Variants in NDE1 observed in about 807,000 individuals in gnomAD.
NDE1 encodes the protein nudE neurodevelopment protein 1.
A neutral mutation model predicts 43.4 loss-of-function variants in NDE1; 28 were observed. The observed-to-expected ratio is 0.65, with a 90% confidence interval of 0.48 to 0.89. NDE1 has a LOEUF of 0.89. Ranked by LOEUF, NDE1 falls within the 40% of genes least tolerant of loss-of-function variation. NDE1 has a pLI of 0.00. For synonymous variants in NDE1, 184 were observed against 172.0 expected, an observed-to-expected ratio of 1.07 and a Z score of -0.55; for missense variants, 441 against 434.1, an observed-to-expected ratio of 1.02 and a Z score of -0.14.
chr16:15,719,739 G>A, intron 8 of NDE1: 2 of 1,613,872 alleles, frequency 1.2e-6, no homozygotes, highest in Non-Finnish European at 1.7e-6. Context: ...GGGAGGACAA[G>A]CTCAGATGTC....
upstream of NDE1, among the ~76,000 whole-genome samples, chr16:15,645,442 C>T (rs1172683442): frequency 6.6e-6 from 1 of 151,992 alleles, no homozygotes; most frequent in Non-Finnish European, 1.5e-5. Context: ...CCAGCCTGAG[C>T]AACATGGTGT....
intron 7 of NDE1, chr16:15,695,513 A>T: frequency 1.0e-6 from 1 of 984,610 alleles, no homozygotes; most frequent in South Asian, 4.7e-5. Flanking sequence ...AAAAAAAAAA[A>T]AATCTTGAAA....
chr16:15,679,808 T>C (rs2038082249), intron 4 of NDE1, among the ~76,000 whole-genome samples: 1 of 152,202 alleles, frequency 6.6e-6, no homozygotes, highest in Non-Finnish European at 1.5e-5. Flanking sequence ...TAAGACAGTC[T>C]TGCTCTGTCG....
intron 8 of NDE1, chr16:15,703,653 A>G: frequency 6.9e-6 from 3 of 433,686 alleles, no homozygotes; most frequent in South Asian, 2.2e-5. Flanking sequence ...CAATGATGCA[A>G]TTATAGCTCA....
chr16:15,657,154 A>G (rs1394760000), intron 1 of NDE1, among the ~76,000 whole-genome samples: 1 of 151,634 alleles, frequency 6.6e-6, no homozygotes, highest in African/African-American at 2.4e-5. Flanking sequence ...TTGGAGTGCA[A>G]TGGCGTGATC....
intron 7 of NDE1, chr16:15,695,860 C>G (rs1229792480): frequency 3.7e-6 from 1 of 267,604 alleles, no homozygotes; most frequent in African/African-American, 2.3e-5. Context: ...TCCTCAGGGT[C>G]TGTTGTAGCC....
Position 15,699,202 on chromosome 16 carries a change from G to A in NDE1, c.947+2342G>A, listed in dbSNP as rs999549304. ...GAGTTTTCAGATTAATTTTCCAGGC[G>A]ATCTTCCCACCTTGACCTCCCAAGT... is the stretch of plus-strand genomic sequence containing the variant. On this transcript the variant is annotated intron_variant, in intron 8 of 8. Coordinates refer to ENST00000396354, the MANE Select transcript of NDE1 (RefSeq NM_017668.3). Among the ~76,000 whole-genome samples the A allele has an allele frequency of 7.3e-5, 11 of 151,210 alleles. No homozygotes were observed. The East Asian group carries it at 1.8e-3, about 24-fold the overall frequency.
intron 1 of NDE1, among the ~76,000 whole-genome samples, chr16:15,660,634 G>C (rs964252559): frequency 6.6e-6 from 1 of 152,018 alleles, no homozygotes; most frequent in African/African-American, 2.4e-5. Flanking sequence ...TCACCTCCCA[G>C]TTACTCCTGC....
At chr16:15,723,236 A>G (rs2040576440) in intron 8 of NDE1, among the ~76,000 whole-genome samples, 1 of 152,238 alleles carries the variant, frequency 6.6e-6, no homozygotes, top group South Asian at 2.1e-4. Flanking sequence ...GTGTTTAAAA[A>G]TAAACTCTAA....
At chr16:15,713,295 TGAG>T (rs138427633) in intron 8 of NDE1, 8,062 of 152,112 alleles carry the variant, frequency 0.053, 239 homozygotes, top group East Asian at 0.098. Context: ...GGTAGGATGA[TGAG>T]GCAGTGGGAG....
chr16:15,696,619 C>G, intron 7 of NDE1, 90 bp from the exon 8 acceptor site: 3 of 1,606,582 alleles, frequency 1.9e-6, no homozygotes, highest in East Asian at 2.2e-5. Flanking sequence ...TTGAGAACCA[C>G]TGTCTGGGGT....
rs768566847 is a variant in NDE1, at chr16:15,704,113, C to T, written c.947+7253C>T. 14 of 1,614,042 alleles carry T rather than the reference C, an allele frequency of 8.7e-6. No individual in the cohort carries two copies. Among genetic ancestry groups the T allele is most frequent in the Middle Eastern group, 1.7e-4 (1 of 6,058 alleles). On this transcript the variant is annotated intron_variant, in intron 8 of 8. Transcript: ENST00000396354. Reference sequence around the variant, plus strand: ...CTTCTAGAAGGAACGAAAGAGGTCTCGTTTCCTCGCCTGTGGGTTGTAAGA... The same window carrying T: ...CTTCTAGAAGGAACGAAAGAGGTCTTGTTTCCTCGCCTGTGGGTTGTAAGA...
rs140007548 is a variant in NDE1 at position 15,676,603 on chromosome 16, C to T, written c.238-1198C>T. Reference sequence around the variant, plus strand: ...GTCCTGGATCAAAAATTCAGAATGGCGGACTGTTTTAAAACCAAGTTCATG... The same window carrying T: ...GTCCTGGATCAAAAATTCAGAATGGTGGACTGTTTTAAAACCAAGTTCATG... On this transcript the variant is annotated intron_variant, in intron 3 of 8. Transcript: ENST00000396354. Among the ~76,000 whole-genome samples, 27 of 152,202 alleles carry T rather than the reference C, an allele frequency of 1.8e-4. 1 individual carries two copies. In the East Asian group the frequency reaches 4.3e-3, roughly 24 times the overall value.
At chr16:15,684,229 T>C (rs2038320916) in intron 4 of NDE1, 1 of 150,144 alleles carries the variant, frequency 6.7e-6, no homozygotes, top group African/African-American at 2.5e-5. Context: ...AGACTTCATC[T>C]CAAAAAAGAA....
rs187630586 is a variant in NDE1, at chr16:15,643,558, C to A, written c.-535C>A. On this transcript the variant is annotated 5_prime_UTR_variant, in exon 1 of 10. Coordinates refer to the NDE1 transcript ENST00000396355. ...TTGAACGGGATTTCAATGAAAAACC[C>A]TGTCCCTTCGGCTTTTTTTTTTTCC... The A allele has an allele frequency of 5.0e-4, 167 of 337,086 alleles. 1 individual carries two copies. The East Asian group carries it at 0.018, about 36-fold the overall frequency. 20.9% of individuals were successfully genotyped at this position (337,086 alleles called of 1,614,324 possible). A position where few individuals can be genotyped will look rare whatever the true frequency, so the allele number is the denominator to read the frequency against.
At chr16:15,705,480 C>T (rs1437302704) in intron 8 of NDE1, among the ~76,000 whole-genome samples, 3 of 152,214 alleles carry the variant, frequency 2.0e-5, no homozygotes, top group Non-Finnish European at 4.4e-5. Context: ...TGCCAGCCTT[C>T]ACCGTTCAGA....
chr16:15,696,987 C>CTCT, intron 8 of NDE1, 127 bp downstream of exon 8: 1 of 1,538,522 alleles, frequency 6.5e-7, no homozygotes, highest in Non-Finnish European at 8.7e-7. Context: ...AAACCTTATC[C>CTCT]TCTCCTCTGC....
intron 8 of NDE1, chr16:15,714,821 G>T (rs2040025871): frequency 6.7e-7 from 1 of 1,500,924 alleles, no homozygotes; most frequent in African/African-American, 1.4e-5. Flanking sequence ...TGGGCACAAG[G>T]GGCATTTGCA....
rs555408879 is a variant in NDE1 at position 15,718,925 on chromosome 16, C to A, written c.948-5266C>A. On this transcript the variant is annotated intron_variant, in intron 8 of 8. Transcript: ENST00000396354. ...GGAGGATCACCTAAGGTCAGGAGTT[C>A]AAGACTAGCCTGGCCAACATGGTGA... is the stretch of plus-strand genomic sequence containing the variant. The A allele has an allele frequency of 2.7e-4, 117 of 439,410 alleles. 1 individual carries two copies. The East Asian group carries it at 4.8e-3, about 18-fold the overall frequency. 27.2% of individuals were successfully genotyped at this position (439,410 alleles called of 1,614,324 possible). A position where few individuals can be genotyped will look rare whatever the true frequency, so the allele number is the denominator to read the frequency against.
Sources: allele counts gnomAD v4.1 joint callset (sites outside exome capture counted in the v4.1 genomes callset), GRCh38; gene constraint gnomAD v4.1.1; transcripts MANE v1.5; gene names NCBI Gene and HGNC (gene_info 2026-07-23, HGNC 2026-07-21).